The following CLVS1 variants were observed in gnomAD, a reference collection of about 807,000 sequenced individuals.
The protein encoded by CLVS1 is clavesin-1.
In CLVS1, 10 loss-of-function variants were observed where a neutral mutation model predicts 33.1. The ratio of observed to expected loss-of-function variants is 0.30; its 90% CI spans 0.19 to 0.51. The LOEUF (loss-of-function observed/expected upper bound fraction) is 0.51. CLVS1 is among the 20% of genes least tolerant of loss of function. The pLI is 0.97. For synonymous variants in CLVS1, 163 were observed against 166.1 expected (o/e 0.98, Z 0.14); for missense variants, 343 against 433.4 (o/e 0.79, Z 1.85).
chr8:61,288,986 T>C (rs1809880167), intron 1 of CLVS1, among the ~76,000 whole-genome samples: 1 of 152,258 alleles, frequency 6.6e-6, no homozygotes, highest in Non-Finnish European at 1.5e-5. Flanking sequence ...TCGAATGAAC[T>C]ATTTGTTCCA....
chr8:61,323,084 C>G (rs1289242992), intron 2 of CLVS1, among the ~76,000 whole-genome samples: 7 of 152,114 alleles, frequency 4.6e-5, no homozygotes, highest in African/African-American at 1.7e-4. Flanking sequence ...CTTGCCTTTC[C>G]TATTTCTTAT....
At chr8:60,993,234 T>A in the CLVS1 span, among the ~76,000 whole-genome samples, 1 of 152,196 alleles carries the variant, frequency 6.6e-6, no homozygotes, top group Non-Finnish European at 1.5e-5. Flanking sequence ...TCAATACATT[T>A]CTGGAACTGT....
intron 2 of CLVS1, among the ~76,000 whole-genome samples, chr8:61,144,535 A>G (rs552874305): frequency 1.3e-5 from 2 of 152,214 alleles, no homozygotes; most frequent in East Asian, 3.9e-4. Flanking sequence ...ATGTATCTTT[A>G]TAGTAGAATG....
At chr8:61,184,970 G>C (rs192769308) in intron 2 of CLVS1, among the ~76,000 whole-genome samples, 2 of 151,946 alleles carry the variant, frequency 1.3e-5, no homozygotes, top group Admixed American at 1.3e-4. Context: ...CAATATTTTC[G>C]TGAATATATG....
chr8:61,182,357 T>A (rs1211647326), intron 2 of CLVS1, among the ~76,000 whole-genome samples: 1 of 152,168 alleles, frequency 6.6e-6, no homozygotes, highest in African/African-American at 2.4e-5. Context: ...AAAGAGCTTC[T>A]GCACAGCAAA....
In CLVS1 at chr8:61,426,058, A is replaced by G. The variant is rs144451093; in HGVS notation, c.631-28083A>G. ...TATCCAGAGTTAGAACCTGGCTCCA[A>G]TCAGAAGAGACCACAAGGAATATAA... is the stretch of plus-strand genomic sequence containing the variant. On this transcript the variant is annotated intron_variant, in intron 3 of 5. Transcript: ENST00000325897. 8.9e-4 allele frequency among the ~76,000 whole-genome samples: 135 copies of G among 152,264 alleles called. 1 individual carries two copies. The East Asian group carries it at 0.026, about 29-fold the overall frequency.
At chr8:61,075,701 G>A (rs759921707) in intron 1 of CLVS1, among the ~76,000 whole-genome samples, 4 of 151,962 alleles carry the variant, frequency 2.6e-5, no homozygotes, top group South Asian at 2.1e-4. Flanking sequence ...CCCCTTTTAC[G>A]TTTCCTCCTC....
intron 2 of CLVS1, among the ~76,000 whole-genome samples, chr8:61,226,703 A>G (rs543520799): frequency 1.3e-5 from 2 of 152,332 alleles, no homozygotes; most frequent in African/African-American, 2.4e-5. Flanking sequence ...GATCAAAATC[A>G]TCTTCTGTTC....
chr8:61,128,146 T>C (rs1806009727), intron 1 of CLVS1, among the ~76,000 whole-genome samples: 1 of 152,272 alleles, frequency 6.6e-6, no homozygotes, highest in African/African-American at 2.4e-5. Flanking sequence ...GAGTTCTTTC[T>C]GTATGTGACC....
chr8:61,132,557 C>G (rs750475190), intron 2 of CLVS1, among the ~76,000 whole-genome samples: 1 of 152,206 alleles, frequency 6.6e-6, no homozygotes, highest in Non-Finnish European at 1.5e-5. Flanking sequence ...GAATCCCTGT[C>G]TTTTGTCCTT....
chr8:61,444,942 T>C (rs1352249802), intron 3 of CLVS1, among the ~76,000 whole-genome samples: 2 of 152,130 alleles, frequency 1.3e-5, no homozygotes, highest in Non-Finnish European at 2.9e-5. Context: ...GGGTGCTAGA[T>C]TGGTCAGTTT....
At chr8:61,287,802 G>A (rs1050975526), upstream of CLVS1, among the ~76,000 whole-genome samples, 21 of 152,086 alleles carry the variant, frequency 1.4e-4, no homozygotes, top group African/African-American at 5.1e-4. Context: ...TATTTTTAAT[G>A]TTGTGTGGGG....
intron 3 of CLVS1, among the ~76,000 whole-genome samples, chr8:61,449,651 C>CT (rs891705400): frequency 6.6e-6 from 1 of 151,940 alleles, no homozygotes; most frequent in Non-Finnish European, 1.5e-5. Context: ...AAAGAGCAGC[C>CT]TTTTTTTTAG....
intron 1 of CLVS1, among the ~76,000 whole-genome samples, chr8:61,108,132 G>A (rs535084605): frequency 9.9e-5 from 15 of 150,886 alleles, no homozygotes; most frequent in South Asian, 4.2e-4. Context: ...TTAGCCAGGC[G>A]TGGTGGTGCA....
At chr8:61,109,824 T>C (rs1453171875) in intron 1 of CLVS1, among the ~76,000 whole-genome samples, 1 of 152,168 alleles carries the variant, frequency 6.6e-6, no homozygotes, top group East Asian at 1.9e-4. Flanking sequence ...CCTGAGATAG[T>C]ACGTTAGCAC....
intron 2 of CLVS1, among the ~76,000 whole-genome samples, chr8:61,372,704 A>G (rs904760597): frequency 6.6e-6 from 1 of 152,028 alleles, no homozygotes; most frequent in Non-Finnish European, 1.5e-5. Flanking sequence ...TGGCTGTGAC[A>G]GTTTCTCAGA....
intron 2 of CLVS1, among the ~76,000 whole-genome samples, chr8:61,154,890 G>A (rs755907748): frequency 7.2e-5 from 11 of 152,154 alleles, no homozygotes; most frequent in Non-Finnish European, 1.5e-4. Context: ...AAAAGAATGT[G>A]AAAAACAGAG....
At chr8:61,481,078 G>C (rs1181130371) in intron 5 of CLVS1, among the ~76,000 whole-genome samples, 1 of 152,142 alleles carries the variant, frequency 6.6e-6, no homozygotes, top group Non-Finnish European at 1.5e-5. Context: ...ACTAGGACAG[G>C]CTTCACACAT....
At chr8:61,109,776 G>A (rs1269760411) in intron 1 of CLVS1, among the ~76,000 whole-genome samples, 5 of 152,124 alleles carry the variant, frequency 3.3e-5, no homozygotes, top group Non-Finnish European at 7.4e-5. Context: ...TTTATCATGG[G>A]AGAGGAACTG....
Sources: allele counts gnomAD v4.1 joint callset (sites outside exome capture counted in the v4.1 genomes callset), GRCh38; gene constraint gnomAD v4.1.1; transcripts MANE v1.5; gene names NCBI Gene and HGNC (gene_info 2026-07-23, HGNC 2026-07-21).